The following WNK3 variants were observed in gnomAD, a reference collection of about 807,000 sequenced individuals.
WNK3 encodes the protein WNK lysine deficient protein kinase 3, also known as serine/threonine-protein kinase WNK3.
Under a neutral mutation model 116.7 loss-of-function variants are expected in WNK3, and 18 were observed. The ratio of observed to expected loss-of-function variants is 0.15; its 90% CI spans 0.11 to 0.23. WNK3 has a LOEUF of 0.23. Among genes scored for constraint, WNK3 ranks in the 10% least tolerant of loss-of-function variants. WNK3 has a pLI of 1.00. For missense variants in WNK3, 993 were observed against 1,323.8 expected (o/e 0.75, Z 3.88); for synonymous variants, 404 against 469.4 (o/e 0.86, Z 1.80).
At chrX:54,251,898 T>C (rs1204621294) in intron 13 of WNK3, among the ~76,000 whole-genome samples, 20 of 108,574 alleles carry the variant, frequency 1.8e-4, no homozygotes, top group Non-Finnish European at 7.6e-5. Context: ...AAACCCTGTC[T>C]CTACTAAAAA....
intron 22 of WNK3, among the ~76,000 whole-genome samples, chrX:54,217,250 G>A (rs782769651): frequency 9.5e-5 from 10 of 104,746 alleles, no homozygotes; most frequent in South Asian, 4.5e-4. Flanking sequence ...CCCAGGAGGC[G>A]GAGCTTGCAT....
chrX:54,283,280 C>CA (rs2068538767), intron 10 of WNK3, among the ~76,000 whole-genome samples: 2 of 110,347 alleles, frequency 1.8e-5, no homozygotes, highest in South Asian at 3.8e-4. Flanking sequence ...CTCATCTCTA[C>CA]AAAAAATAAA....
chrX:54,235,475 CG>C (rs781937825), intron 20 of WNK3, among the ~76,000 whole-genome samples: 9 of 110,985 alleles, frequency 8.1e-5, no homozygotes, highest in Admixed American at 1.9e-4. Flanking sequence ...TTAGTAGAGA[CG>C]GGGTTTTGCC....
chrX:54,280,123 C>A (rs994499183), intron 10 of WNK3, among the ~76,000 whole-genome samples: 1 of 111,330 alleles, frequency 9.0e-6, no homozygotes, highest in Non-Finnish European at 1.9e-5. Context: ...ATGGTGAAAC[C>A]CTGTCTCTCC....
rs782762609 is a variant in WNK3 at position 54,311,306 on chromosome X, C to A, written c.538-15G>T. The A allele has an allele frequency of 1.6e-5, 19 of 1,183,417 alleles. 1 individual carries two copies. The South Asian group carries it at 3.4e-4, about 21-fold the overall frequency. On this transcript the variant is annotated splice_polypyrimidine_tract_variant and intron_variant, in intron 2 of 23. Transcript: ENST00000354646. ...AACTTTCGGTCCTGAAAAGGAATAA[C>A]AAGTTCCAAAATAAAGTCATGAAAA...
intron 1 of WNK3, among the ~76,000 whole-genome samples, chrX:54,345,642 C>T (rs1231888446): frequency 2.8e-5 from 3 of 108,972 alleles, no homozygotes; most frequent in African/African-American, 1.0e-4. Flanking sequence ...CAAAATTAGC[C>T]GGACATGGTG....
chrX:54,291,140 C>T (rs571889106), intron 10 of WNK3, among the ~76,000 whole-genome samples: 1 of 110,144 alleles, frequency 9.1e-6, no homozygotes, highest in South Asian at 4.0e-4. Flanking sequence ...GGTGAAAGCC[C>T]GTCTCTACTA....
At chrX:54,291,898 T>C (rs2068643694) in intron 10 of WNK3, among the ~76,000 whole-genome samples, 1 of 111,616 alleles carries the variant, frequency 9.0e-6, no homozygotes, top group Non-Finnish European at 1.9e-5. Context: ...TAGCAGCTAT[T>C]AGATCATCTC....
intron 10 of WNK3, among the ~76,000 whole-genome samples, chrX:54,268,281 T>G (rs782707896): frequency 1.4e-4 from 15 of 110,614 alleles, no homozygotes; most frequent in Non-Finnish European, 2.5e-4. Flanking sequence ...CAGGAGTTGA[T>G]GACCAGCCTG....
chrX:54,236,301 T>A (rs1424620190), intron 20 of WNK3, among the ~76,000 whole-genome samples: 11 of 106,487 alleles, frequency 1.0e-4, no homozygotes, highest in East Asian at 8.7e-4. Flanking sequence ...TTTTTTTTTT[T>A]AAATACAGAC....
chrX:54,287,378 G>T (rs1193042469), intron 10 of WNK3, among the ~76,000 whole-genome samples: 1 of 111,619 alleles, frequency 9.0e-6, no homozygotes, highest in Non-Finnish European at 1.9e-5. Flanking sequence ...CTTTGCACCT[G>T]TTATTCCCTC....
intron 10 of WNK3, among the ~76,000 whole-genome samples, chrX:54,281,775 T>C (rs1217434243): frequency 9.0e-6 from 1 of 111,456 alleles, no homozygotes. Flanking sequence ...GCTGATTTCC[T>C]GAATTTCCTT....
intron 2 of WNK3, among the ~76,000 whole-genome samples, chrX:54,315,549 T>C (rs2068944309): frequency 9.0e-6 from 1 of 111,542 alleles, no homozygotes; most frequent in African/African-American, 3.3e-5. Context: ...GATATCTTAG[T>C]TGATTAGAGA....
intron 13 of WNK3, among the ~76,000 whole-genome samples, chrX:54,251,954 A>G (rs1294746365): frequency 3.7e-5 from 4 of 108,063 alleles, no homozygotes; most frequent in African/African-American, 1.0e-4. Context: ...AATCCCAGCT[A>G]CTTGGGAGGC....
chrX:54,229,078 A>C (rs1557148413), intron 21 of WNK3, among the ~76,000 whole-genome samples: 1 of 111,953 alleles, frequency 8.9e-6, no homozygotes, highest in East Asian at 2.8e-4. Context: ...CTTCTAGAAC[A>C]AATATGTTTA....
chrX:54,330,326 T>C (rs1445337312), intron 2 of WNK3, among the ~76,000 whole-genome samples: 3 of 110,573 alleles, frequency 2.7e-5, no homozygotes, highest in Non-Finnish European at 5.7e-5. Context: ...TGAGCCGAGA[T>C]TGTGCCACTG....
chrX:54,354,389 A>C (rs144209475), intron 1 of WNK3, among the ~76,000 whole-genome samples: 223 of 112,108 alleles, frequency 2.0e-3, no homozygotes, highest in African/African-American at 6.8e-3. Flanking sequence ...AAAATCGAGT[A>C]TATCTGTAAA....
In WNK3 at chrX:54,281,174, G is replaced by T. The variant is rs373881990; in HGVS notation, c.2037+11714C>A. 3.1e-4 allele frequency among the ~76,000 whole-genome samples: 35 copies of T among 111,481 alleles called. No homozygotes were observed. The East Asian group carries it at 4.8e-3, about 15-fold the overall frequency. ...TTACCCTCCCTTTGTACGTGTATGT[G>T]TGGTGAGGATACTTAAGATCTCTTT... On this transcript the variant is annotated intron_variant, in intron 10 of 23. Coordinates refer to ENST00000354646, the Ensembl canonical transcript of WNK3.
chrX:54,231,194 G>A (rs781819942), intron 21 of WNK3, among the ~76,000 whole-genome samples: 1 of 112,241 alleles, frequency 8.9e-6, no homozygotes, highest in South Asian at 3.8e-4. Context: ...GCATCAGACT[G>A]AAGGTTCATG....
Sources: gnomAD v4.1 joint callset for allele counts (sites outside exome capture counted in the v4.1 genomes callset) on GRCh38, gnomAD v4.1.1 for gene constraint, MANE v1.5 for transcripts, NCBI Gene and HGNC (gene_info 2026-07-23, HGNC 2026-07-21) for gene names.